The following PIK3R3 variants were observed in gnomAD, a reference collection of about 807,000 sequenced individuals.
The protein encoded by PIK3R3 is phosphoinositide-3-kinase regulatory subunit 3.
A neutral mutation model predicts 62.9 loss-of-function variants in PIK3R3; 64 were observed. The ratio of observed to expected loss-of-function variants is 1.02; its 90% CI spans 0.83 to 1.25. The LOEUF (loss-of-function observed/expected upper bound fraction) is 1.25. Among genes scored for constraint, PIK3R3 ranks in the 50% most tolerant of loss-of-function variants. The pLI is 0.00. For synonymous variants in PIK3R3, 165 were observed against 189.0 expected, an observed-to-expected ratio of 0.87 and a Z score of 1.04; for missense variants, 614 against 561.6, an observed-to-expected ratio of 1.09 and a Z score of -0.94.
chr1:46,095,924 C>T (rs1278755200), intron 1 of PIK3R3, among the ~76,000 whole-genome samples: 1 of 152,092 alleles, frequency 6.6e-6, no homozygotes, highest in Non-Finnish European at 1.5e-5. Context: ...AATAAATTTC[C>T]TCCTGATAGC....
the PIK3R3 span, among the ~76,000 whole-genome samples, chr1:46,174,665 A>AC: frequency 6.6e-6 from 1 of 151,928 alleles, no homozygotes; most frequent in Non-Finnish European, 1.5e-5. Context: ...CTAAGACACA[A>AC]CCCCACAGAA....
intron 1 of PIK3R3, among the ~76,000 whole-genome samples, chr1:46,085,729 T>G (rs1557594402): frequency 6.6e-6 from 1 of 152,222 alleles, no homozygotes; most frequent in South Asian, 2.1e-4. Flanking sequence ...TTTCAACTCC[T>G]TGACAAAGTA....
the PIK3R3 span, among the ~76,000 whole-genome samples, chr1:46,146,984 G>A: frequency 1.4e-4 from 21 of 152,144 alleles, no homozygotes. Context: ...GAAGCAACCA[G>A]CCTAGCACTG....
intron 1 of PIK3R3, among the ~76,000 whole-genome samples, chr1:46,085,934 C>T (rs1214654474): frequency 6.6e-6 from 1 of 152,080 alleles, no homozygotes; most frequent in Non-Finnish European, 1.5e-5. Flanking sequence ...GAGACAGGGT[C>T]TCATTACGTT....
chr1:46,078,768 T>C (rs922036583), intron 2 of PIK3R3, among the ~76,000 whole-genome samples: 9 of 152,154 alleles, frequency 5.9e-5, no homozygotes, highest in South Asian at 2.1e-4. Flanking sequence ...TAAAAAAATA[T>C]ATAACATATA....
intron 1 of PIK3R3, among the ~76,000 whole-genome samples, chr1:46,115,187 G>A (rs985719685): frequency 6.6e-6 from 1 of 152,190 alleles, no homozygotes; most frequent in Non-Finnish European, 1.5e-5. Flanking sequence ...GTAAAGCCAA[G>A]AGAATTATAG....
the PIK3R3 span, among the ~76,000 whole-genome samples, chr1:46,148,127 C>T: frequency 6.6e-6 from 1 of 152,146 alleles, no homozygotes; most frequent in African/African-American, 2.4e-5. Flanking sequence ...CTGTGCTTAC[C>T]CACTTGGTGA....
the PIK3R3 span, among the ~76,000 whole-genome samples, chr1:46,147,295 G>A: frequency 6.6e-6 from 1 of 152,026 alleles, no homozygotes; most frequent in African/African-American, 2.4e-5. Flanking sequence ...GTAGAGACTG[G>A]GTTTCACCAA....
In PIK3R3 at chr1:46,055,909, C is replaced by A. The variant is rs552393862; in HGVS notation, c.827G>T (p.Arg276Leu). Residue 276 changes from arginine (R) to leucine (L), a missense_variant, in exon 7 of 10, where the codon CGT becomes CTT. Arg to Leu is a moderately radical substitution (Grantham distance 102). Coordinates refer to ENST00000262741, the MANE Select transcript of PIK3R3 (RefSeq NM_003629.4). ...TTGATTCTTCAAATCCTGCTCTAGA[C>A]GCATTTTGCTATCATGAATCTCACC... is the stretch of plus-strand genomic sequence containing the variant. The part of the protein sequence containing the change: ...RLGEIHDSKM[R>L]LEQDLKNQAL... 6.2e-7 allele frequency: 1 copy of A among 1,608,110 alleles called. No homozygotes were observed. The highest frequency in any genetic ancestry group is 8.5e-7 in the Non-Finnish European group (1 of 1,176,516).
intron 3 of PIK3R3, among the ~76,000 whole-genome samples, chr1:46,071,383 T>A (rs542809910): frequency 6.6e-6 from 1 of 152,136 alleles, no homozygotes; most frequent in East Asian, 1.9e-4. Context: ...CATTTTTACC[T>A]TGCGGTTCTG....
intron 3 of PIK3R3, among the ~76,000 whole-genome samples, chr1:46,075,442 C>T (rs1383075732): frequency 1.3e-5 from 2 of 152,040 alleles, no homozygotes; most frequent in African/African-American, 4.8e-5. Context: ...CAGGGAGACT[C>T]CATCTCTACA....
intron 6 of PIK3R3, chr1:46,057,101 G>A (rs1647994465): frequency 1.3e-5 from 2 of 152,214 alleles, no homozygotes; most frequent in African/African-American, 2.4e-5. Flanking sequence ...TCATGGGGGC[G>A]GTTCCCCCAT....
intron 1 of PIK3R3, among the ~76,000 whole-genome samples, chr1:46,115,331 TTC>T (rs1346970521): frequency 2.0e-5 from 3 of 152,222 alleles, no homozygotes; most frequent in Non-Finnish European, 4.4e-5. Flanking sequence ...GAGTTGCATT[TTC>T]TGTTATCAAA....
intron 1 of PIK3R3, among the ~76,000 whole-genome samples, chr1:46,087,532 C>T (rs1335833314): frequency 6.6e-6 from 1 of 151,626 alleles, no homozygotes; most frequent in African/African-American, 2.4e-5. Flanking sequence ...ACTGACAGGA[C>T]CCTAAAAAGC....
At chr1:46,172,430 T>C in the PIK3R3 span, among the ~76,000 whole-genome samples, 1 of 151,890 alleles carries the variant, frequency 6.6e-6, no homozygotes, top group African/African-American at 2.4e-5. Context: ...AGAACTGGAG[T>C]GCAGTGGCAT....
intron 7 of PIK3R3, 61 bp from the exon 8 acceptor site, chr1:46,046,686 A>G: frequency 8.6e-7 from 1 of 1,167,180 alleles, no homozygotes; most frequent in Admixed American, 1.7e-5. Flanking sequence ...CAAAGTAGGT[A>G]TGTCTGAGCC....
the PIK3R3 span, among the ~76,000 whole-genome samples, chr1:46,167,335 G>C: frequency 6.6e-6 from 1 of 152,350 alleles, no homozygotes; most frequent in East Asian, 1.9e-4. Flanking sequence ...CGAGGGTGTG[G>C]GGGGATGGGA....
At chr1:46,129,775 G>T (rs1655419013) in intron 1 of PIK3R3, among the ~76,000 whole-genome samples, 1 of 152,114 alleles carries the variant, frequency 6.6e-6, no homozygotes, top group South Asian at 2.1e-4. Flanking sequence ...CAATGTTTCA[G>T]CATACTCAAG....
chr1:46,132,668 G>A, upstream of PIK3R3: 2 of 1,289,786 alleles, frequency 1.6e-6, no homozygotes, highest in Non-Finnish European at 2.0e-6. Context: ...ACGGCGCGGA[G>A]GGGACACCCT....
Sources: gnomAD v4.1 joint callset for allele counts (sites outside exome capture counted in the v4.1 genomes callset) on GRCh38, gnomAD v4.1.1 for gene constraint, MANE v1.5 for transcripts, NCBI Gene and HGNC (gene_info 2026-07-23, HGNC 2026-07-21) for gene names.